Variants in DAB1 observed in about 807,000 individuals in gnomAD.
The protein encoded by DAB1 is DAB adaptor protein 1.
In DAB1, 15 loss-of-function variants were observed where a neutral mutation model predicts 64.6. The ratio of observed to expected loss-of-function variants is 0.23; its 90% CI spans 0.16 to 0.36. DAB1 has a LOEUF of 0.36. Ranked by LOEUF, DAB1 falls within the 10% of genes least tolerant of loss-of-function variation. The pLI, the probability that DAB1 is intolerant of heterozygous loss-of-function variation, is 1.00. For missense variants in DAB1, 596 were observed against 706.7 expected, an observed-to-expected ratio of 0.84 and a Z score of 1.78; for synonymous variants, 235 against 251.9, an observed-to-expected ratio of 0.93 and a Z score of 0.64.
At position 57,588,974 on chromosome 1, in the gene DAB1, G is replaced by A. The variant is rs142352944; in HGVS notation, n.625+60618C>T. 2.3e-3 allele frequency among the ~76,000 whole-genome samples: 343 copies of A among 152,222 alleles called. 2 individuals are homozygous for A. Among genetic ancestry groups the A allele is most frequent in the African/African-American group, 6.7e-3 (280 of 41,546 alleles). On this transcript the variant is annotated intron_variant and non_coding_transcript_variant, in intron 7 of 20. Transcript: ENST00000485760. ...TGTTTGGCTGGGCGCGGTGGCTCACGCCTGTAATCCCAGCACTTCGGGAGG... is the reference window on the plus strand; with the variant it reads ...TGTTTGGCTGGGCGCGGTGGCTCACACCTGTAATCCCAGCACTTCGGGAGG...
At chr1:57,264,539 C>G (rs1320103805) in intron 2 of DAB1, among the ~76,000 whole-genome samples, 1 of 152,160 alleles carries the variant, frequency 6.6e-6, no homozygotes, top group African/African-American at 2.4e-5. Context: ...GATCTCACGG[C>G]AATCCTGCAG....
At chr1:57,391,581 A>G (rs1357801875) in intron 1 of DAB1, among the ~76,000 whole-genome samples, 1 of 152,164 alleles carries the variant, frequency 6.6e-6, no homozygotes, top group Non-Finnish European at 1.5e-5. Context: ...TTAACAACCA[A>G]CATTTACTGA....
intron 5 of DAB1, among the ~76,000 whole-genome samples, chr1:58,072,093 G>GGC (rs1553157687): frequency 1.7e-5 from 2 of 120,148 alleles, no homozygotes; most frequent in Non-Finnish European, 3.5e-5. Context: ...GGTGGGGGGG[G>GGC]GTGGGTAGTA....
At chr1:57,830,344 T>C (rs558827481) in intron 1 of DAB1, among the ~76,000 whole-genome samples, 1 of 152,346 alleles carries the variant, frequency 6.6e-6, no homozygotes, top group African/African-American at 2.4e-5. Context: ...TCCTTTTCAA[T>C]CTTTGCAGTA....
intron 7 of DAB1, among the ~76,000 whole-genome samples, chr1:57,537,200 A>G (rs570772325): frequency 1.3e-5 from 2 of 152,322 alleles, no homozygotes; most frequent in Admixed American, 6.5e-5. Flanking sequence ...TGTGAGTCAC[A>G]TTATATTTTT....
chr1:57,489,108 G>A (rs1644129986), intron 7 of DAB1, among the ~76,000 whole-genome samples: 1 of 152,190 alleles, frequency 6.6e-6, no homozygotes, highest in African/African-American at 2.4e-5. Context: ...TATTGAAAGT[G>A]GGTGTCAGGA....
At chr1:57,281,871 GATTA>G (rs1043147908) in intron 2 of DAB1, among the ~76,000 whole-genome samples, 1 of 152,042 alleles carries the variant, frequency 6.6e-6, no homozygotes, top group Non-Finnish European at 1.5e-5. Context: ...GATAATCAGT[GATTA>G]ATTAATTGAG....
chr1:58,233,941 T>C (rs1659898825), intron 4 of DAB1, among the ~76,000 whole-genome samples: 1 of 152,198 alleles, frequency 6.6e-6, no homozygotes, highest in African/African-American at 2.4e-5. Flanking sequence ...TTGTCAGTGA[T>C]TGACAACCAG....
chr1:57,312,289 A>G (rs1051864765), intron 1 of DAB1, among the ~76,000 whole-genome samples: 1 of 152,148 alleles, frequency 6.6e-6, no homozygotes, highest in Non-Finnish European at 1.5e-5. Flanking sequence ...GAGGGGACAC[A>G]TAATTTTATC....
chr1:57,268,698 T>C (rs528813008), intron 2 of DAB1, among the ~76,000 whole-genome samples: 95 of 152,306 alleles, frequency 6.2e-4, no homozygotes, highest in African/African-American at 2.2e-3. Flanking sequence ...TTAGGTTCCA[T>C]ACATACATAA....
chr1:57,371,064 A>G (rs1318458838), intron 1 of DAB1, among the ~76,000 whole-genome samples: 1 of 152,196 alleles, frequency 6.6e-6, no homozygotes, highest in Non-Finnish European at 1.5e-5. Flanking sequence ...ATCTGGGAAT[A>G]AGTAGCGGCT....
Position 57,066,071 on chromosome 1 carries a change from G to A in DAB1, c.664-3128C>T, listed in dbSNP as rs189878692. Among the ~76,000 whole-genome samples the A allele has an allele frequency of 2.6e-5, 4 of 152,208 alleles. No individual in the cohort carries two copies. The East Asian group carries it at 7.7e-4, about 29-fold the overall frequency. On this transcript the variant is annotated intron_variant, in intron 8 of 14. Transcript: ENST00000371236. ...GCATGTTAATTAATAGTGTGGAGAG[G>A]CAGTTCCAGGCTTTGTTGGGTAACA...
intron 5 of DAB1, among the ~76,000 whole-genome samples, chr1:57,980,950 CAT>C (rs774876076): frequency 2.3e-4 from 34 of 150,092 alleles, no homozygotes; most frequent in Admixed American, 1.3e-4. Context: ...GATAGATAAA[CAT>C]ATATATATAT....
chr1:57,877,576 C>T lies in DAB1; in HGVS notation n.87+6423G>A, dbSNP rs1216320679. On this transcript the variant is annotated intron_variant and non_coding_transcript_variant, in intron 1 of 1. Coordinates refer to the DAB1 transcript ENST00000477280. ...TTTTTTTTTTTTTTTTTTTTTGAGA[C>T]GGAGTCTCGCTCTGTCGCCCAGGCC... is the stretch of plus-strand genomic sequence containing the variant. Among the ~76,000 whole-genome samples, 3 of 62,590 alleles carry T rather than the reference C, an allele frequency of 4.8e-5. 1 individual carries two copies. The highest frequency in any genetic ancestry group is 8.5e-5 in the Non-Finnish European group (3 of 35,398). 41.1% of individuals were successfully genotyped at this position (62,590 alleles called of 152,430 possible). A position where few individuals can be genotyped will look rare whatever the true frequency, so the allele number is the denominator to read the frequency against.
chr1:57,086,689 G>GA (rs1379328637), intron 4 of DAB1, among the ~76,000 whole-genome samples: 1 of 83,498 alleles, frequency 1.2e-5, no homozygotes, highest in African/African-American at 4.6e-5. Context: ...ACACACACAT[G>GA]AAAAAAACCT....
chr1:57,225,770 G>A (rs1321514442), intron 2 of DAB1, among the ~76,000 whole-genome samples: 2 of 152,018 alleles, frequency 1.3e-5, no homozygotes, highest in East Asian at 1.9e-4. Context: ...GAAAAGCATG[G>A]GGCATTAACA....
At chr1:57,519,156 T>A (rs1042067959) in intron 7 of DAB1, among the ~76,000 whole-genome samples, 3 of 152,176 alleles carry the variant, frequency 2.0e-5, no homozygotes, top group African/African-American at 7.2e-5. Flanking sequence ...CTCAGCAAAC[T>A]AGTGCCAGCC....
intron 5 of DAB1, among the ~76,000 whole-genome samples, chr1:57,917,683 C>G (rs1644747759): frequency 6.6e-6 from 1 of 152,176 alleles, no homozygotes; most frequent in South Asian, 2.1e-4. Context: ...TATCCATATA[C>G]TTCCAGGAAT....
intron 4 of DAB1, among the ~76,000 whole-genome samples, chr1:57,126,455 C>T (rs1462491043): frequency 6.6e-6 from 1 of 152,116 alleles, no homozygotes; most frequent in Non-Finnish European, 1.5e-5. Flanking sequence ...AGCCCCTGCA[C>T]CTCTCTGAAC....
Sources: allele counts gnomAD v4.1 joint callset (sites outside exome capture counted in the v4.1 genomes callset), GRCh38; gene constraint gnomAD v4.1.1; transcripts MANE v1.5; gene names NCBI Gene and HGNC (gene_info 2026-07-23, HGNC 2026-07-21).